Variants in LARGE1 observed in about 807,000 individuals in gnomAD.
The protein encoded by LARGE1 is xylosyl- and glucuronyltransferase LARGE1.
In LARGE1, 43 loss-of-function variants were observed where a neutral mutation model predicts 87.6. That is an observed-to-expected ratio of 0.49 (90% CI 0.38 to 0.63). The LOEUF (loss-of-function observed/expected upper bound fraction) is 0.63, where lower values mean the gene tolerates loss of function less well. LARGE1 is among the 30% of genes least tolerant of loss of function. The pLI is 0.00. For missense variants in LARGE1, 802 were observed against 1,000.2 expected (o/e 0.80, Z 2.67); for synonymous variants, 434 against 394.6 (o/e 1.10, Z -1.18).
At chr22:33,229,673 A>T (rs901881897) in intron 11 of LARGE1, among the ~76,000 whole-genome samples, 1 of 152,190 alleles carries the variant, frequency 6.6e-6, no homozygotes, top group African/African-American at 2.4e-5. Flanking sequence ...CAGGATGTTC[A>T]GAAAAGGAAA....
chr22:33,395,226 C>CAAAAAAAAAAAA (rs3071528), intron 7 of LARGE1, among the ~76,000 whole-genome samples: 4 of 61,624 alleles, frequency 6.5e-5, no homozygotes, highest in East Asian at 5.7e-4. Flanking sequence ...GACTCTGCCT[C>CAAAAAAAAAAAA]AAAAAAAAAA....
At chr22:33,488,632 A>C (rs941208300) in intron 6 of LARGE1, among the ~76,000 whole-genome samples, 2 of 152,236 alleles carry the variant, frequency 1.3e-5, no homozygotes, top group African/African-American at 4.8e-5. Context: ...AAATAAAGAC[A>C]TTAAAAAGTC....
rs976303723 is a variant in LARGE1, at chr22:33,360,795, C to A, written c.1131+21124G>T. On this transcript the variant is annotated intron_variant, in intron 9 of 14. Coordinates refer to ENST00000397394, the MANE Select transcript of LARGE1 (RefSeq NM_133642.5). ...ATTGCAGTTTTCCTGCCCAGCCCAC[C>A]GCCACTGGGCTGTACGAAGGCAGGT... Among the ~76,000 whole-genome samples, 2 of 149,778 alleles carry A rather than the reference C, an allele frequency of 1.3e-5. 1 individual carries two copies. Among genetic ancestry groups the A allele is most frequent in the African/African-American group, 4.9e-5 (2 of 40,682 alleles).
At position 33,765,898 on chromosome 22, in the gene LARGE1, T is replaced by C. The variant is rs149529669; in HGVS notation, c.-82-4340A>G. On this transcript the variant is annotated intron_variant, in intron 1 of 14. Transcript: ENST00000397394. ...AGTTAATATCAACACATACAATTTG[T>C]AGAAAGTTTTAAAACAGAATCTATG... 6.7e-3 allele frequency among the ~76,000 whole-genome samples: 1,025 copies of C among 152,248 alleles called. 43 individuals carry two copies. Among genetic ancestry groups the C allele is most frequent in the Admixed American group, 0.056 (851 of 15,286 alleles).
chr22:33,455,923 G>C (rs531245132), intron 6 of LARGE1, among the ~76,000 whole-genome samples: 1 of 152,326 alleles, frequency 6.6e-6, no homozygotes, highest in South Asian at 2.1e-4. Flanking sequence ...GGGGCTGCAA[G>C]AAACACGACA....
At chr22:33,831,739 C>A (rs1434325331) in intron 1 of LARGE1, among the ~76,000 whole-genome samples, 1 of 148,500 alleles carries the variant, frequency 6.7e-6, no homozygotes, top group Non-Finnish European at 1.5e-5. Context: ...ACAACACACA[C>A]ACATGCATGT....
chr22:33,331,473 T>C (rs1302957126), intron 10 of LARGE1, among the ~76,000 whole-genome samples: 1 of 151,710 alleles, frequency 6.6e-6, no homozygotes, highest in African/African-American at 2.4e-5. Context: ...AATGGCATGA[T>C]TTCGGCTCAC....
At chr22:33,651,955 C>T (rs1321762696) in intron 2 of LARGE1, among the ~76,000 whole-genome samples, 4 of 152,092 alleles carry the variant, frequency 2.6e-5, no homozygotes, top group South Asian at 2.1e-4. Flanking sequence ...GGGCAAATCA[C>T]GAGGTCAGGA....
chr22:33,496,088 G>A (rs1415752883), intron 6 of LARGE1, among the ~76,000 whole-genome samples: 1 of 152,174 alleles, frequency 6.6e-6, no homozygotes, highest in African/African-American at 2.4e-5. Context: ...CAAAGCTGAA[G>A]AACTTGGAGT....
intron 4 of LARGE1, among the ~76,000 whole-genome samples, chr22:33,617,456 C>T (rs1569316153): frequency 6.6e-6 from 1 of 152,132 alleles, no homozygotes; most frequent in South Asian, 2.1e-4. Flanking sequence ...AAGAGAATTT[C>T]GCCAACTGCA....
At chr22:33,772,130 G>A (rs746956555) in intron 1 of LARGE1, among the ~76,000 whole-genome samples, 2 of 152,100 alleles carry the variant, frequency 1.3e-5, no homozygotes, top group South Asian at 2.1e-4. Flanking sequence ...TCGGGAGACC[G>A]ATATCATCCT....
Position 33,564,873 on chromosome 22 carries a change from C to T in LARGE1, c.762G>A (p.Leu254=). 2 of 1,614,208 alleles carry T rather than the reference C, an allele frequency of 1.2e-6. No individual in the cohort carries two copies. Among genetic ancestry groups the T allele is most frequent in the Non-Finnish European group, 1.7e-6 (2 of 1,180,042 alleles). Residue 254 remains leucine (L), a synonymous_variant, in exon 6 of 15, where the codon CTG becomes CTA. Coordinates refer to ENST00000397394, the MANE Select transcript of LARGE1 (RefSeq NM_133642.5). The stretch of plus-strand genomic sequence containing the variant: ...CTTTGAACTTGTGGAACACAGCCCA[C>T]AGCTCTGCAATGTCAGTGGCAAAGG... ...DITFATDIAE[L]WAVFHKFKGQ...
At position 33,596,748 on chromosome 22, in the gene LARGE1, AG is replaced by A. The variant is rs547629562; in HGVS notation, c.615+7686del. ...TTACAGTCATCTTTAAATATATGAA[AG>A]GCAGCCACATTAGGAACAAAAAGAA... On this transcript the variant is annotated intron_variant, in intron 5 of 14. Coordinates refer to ENST00000397394, the MANE Select transcript of LARGE1 (RefSeq NM_133642.5). Among the ~76,000 whole-genome samples the A allele has an allele frequency of 2.0e-5, 3 of 152,354 alleles. No homozygotes were observed. In the South Asian group the frequency reaches 6.2e-4, roughly 32 times the overall value.
intron 1 of LARGE1, among the ~76,000 whole-genome samples, chr22:33,841,899 G>C (rs2063291113): frequency 6.6e-6 from 1 of 152,292 alleles, no homozygotes; most frequent in African/African-American, 2.4e-5. Context: ...CTGGGACCGA[G>C]TACTCCAAAA....
intron 6 of LARGE1, 28 bp downstream of exon 6, chr22:33,564,820 G>A (rs370955152): frequency 2.0e-5 from 33 of 1,612,942 alleles, no homozygotes; most frequent in Non-Finnish European, 2.5e-5. Flanking sequence ...CAAGGATATC[G>A]GGGAAAAAAC....
chr22:33,801,453 T>C (rs923668023), intron 1 of LARGE1, among the ~76,000 whole-genome samples: 3 of 152,194 alleles, frequency 2.0e-5, no homozygotes, highest in Admixed American at 2.0e-4. Context: ...TATATTTCCC[T>C]GATGTTGTTG....
At chr22:33,851,167 G>T (rs2063572803) in intron 1 of LARGE1, among the ~76,000 whole-genome samples, 1 of 152,214 alleles carries the variant, frequency 6.6e-6, no homozygotes, top group African/African-American at 2.4e-5. Flanking sequence ...AAGGAGGAGA[G>T]ATTACTGACC....
intron 2 of LARGE1, among the ~76,000 whole-genome samples, chr22:33,671,868 ATGG>A (rs1205480587): frequency 6.6e-6 from 1 of 152,218 alleles, no homozygotes; most frequent in African/African-American, 2.4e-5. Flanking sequence ...TGGATTAAGA[ATGG>A]TGGCCATTCT....
At chr22:33,250,501 A>T (rs1926964538) in intron 11 of LARGE1, among the ~76,000 whole-genome samples, 1 of 152,028 alleles carries the variant, frequency 6.6e-6, no homozygotes, top group African/African-American at 2.4e-5. Flanking sequence ...CAATATGTGT[A>T]CTCTTCTTTC....
Sources: gnomAD v4.1 joint callset for allele counts (sites outside exome capture counted in the v4.1 genomes callset) on GRCh38, gnomAD v4.1.1 for gene constraint, MANE v1.5 for transcripts, NCBI Gene and HGNC (gene_info 2026-07-23, HGNC 2026-07-21) for gene names.